Variants in DNAJB9 observed in about 807,000 individuals in gnomAD.
The protein encoded by DNAJB9 is DnaJ heat shock protein family (Hsp40) member B9.
A neutral mutation model predicts 19.2 loss-of-function variants in DNAJB9; 12 were observed. The observed-to-expected ratio is 0.62, with a 90% CI of 0.40 to 1.01. The LOEUF (loss-of-function observed/expected upper bound fraction) is 1.01. DNAJB9 is among the 50% of genes least tolerant of loss of function. The pLI, the probability that DNAJB9 is intolerant of heterozygous loss-of-function variation, is 0.00. For synonymous variants in DNAJB9, 83 were observed against 84.0 expected, an observed-to-expected ratio of 0.99 and a Z score of 0.07; for missense variants, 272 against 261.1, an observed-to-expected ratio of 1.04 and a Z score of -0.29.
At chr7:108,571,217 A>C (rs907492285) in intron 1 of DNAJB9, among the ~76,000 whole-genome samples, 13 of 152,084 alleles carry the variant, frequency 8.5e-5, no homozygotes, top group African/African-American at 2.9e-4. Context: ...GCTGAAATGA[A>C]AGCTGAATTT....
At chr7:108,572,544 T>A (rs1790634898) in intron 2 of DNAJB9, among the ~76,000 whole-genome samples, 1 of 152,180 alleles carries the variant, frequency 6.6e-6, no homozygotes, top group Non-Finnish European at 1.5e-5. Flanking sequence ...TTATAGTTGA[T>A]GGTTTAATTT....
intron 2 of DNAJB9, among the ~76,000 whole-genome samples, chr7:108,572,343 C>T (rs184243933): frequency 6.6e-6 from 1 of 152,244 alleles, no homozygotes; most frequent in East Asian, 1.9e-4. Flanking sequence ...TTCACTTGAT[C>T]TGCTTTTCAA....
In DNAJB9 at chr7:108,573,391, CTT is replaced by C; in HGVS notation, c.*39_*40del. ...TCTCACTAAATCCAACTGGTTGACT[CTT>C]CCTCATTATCTTTGATGCTAAACAA... On this transcript the variant is annotated 3_prime_UTR_variant, in exon 3 of 3. Transcript: ENST00000249356. The C allele has an allele frequency of 7.1e-7, 1 of 1,413,076 alleles. No homozygotes were observed. The highest frequency in any genetic ancestry group is 9.4e-7 in the Non-Finnish European group (1 of 1,067,122). 87.5% of individuals were successfully genotyped at this position (1,413,076 alleles called of 1,614,324 possible). A position where few individuals can be genotyped will look rare whatever the true frequency, so the allele number is the denominator to read the frequency against.
At position 108,574,693 on chromosome 7, in the gene DNAJB9, A is replaced by G. The variant is rs953897218; in HGVS notation, c.*1340A>G. On this transcript the variant is annotated 3_prime_UTR_variant, in exon 3 of 3. Transcript: ENST00000249356. Reference sequence around the variant, plus strand: ...GTTCTTTCCTCTTTAGGCGTGGTTGAGAAAAAGCAGAAACTTTACATAAAG... The same window carrying G: ...GTTCTTTCCTCTTTAGGCGTGGTTGGGAAAAAGCAGAAACTTTACATAAAG... The G allele has an allele frequency of 1.3e-5, 2 of 152,332 alleles. No homozygotes were observed. The highest frequency in any genetic ancestry group is 1.3e-4 in the Admixed American group (2 of 15,298). The allele number at this position is 152,332 out of a possible 1,614,324, so 9.4% of individuals were successfully genotyped here.
At chr7:108,572,002 C>G in intron 2 of DNAJB9, 59 bp downstream of exon 2, 2 of 1,530,356 alleles carry the variant, frequency 1.3e-6, no homozygotes, top group South Asian at 1.1e-5. Context: ...AGAATGATAG[C>G]TAAGAAGTGT....
Position 108,573,494 on chromosome 7 carries a change from G to A in DNAJB9, c.*141G>A. 2.5e-6 allele frequency: 1 copy of A among 396,872 alleles called. No homozygotes were observed. The highest frequency in any genetic ancestry group is 4.1e-6 in the Non-Finnish European group (1 of 243,206). 24.6% of individuals were successfully genotyped at this position (396,872 alleles called of 1,614,324 possible). A position where few individuals can be genotyped will look rare whatever the true frequency, so the allele number is the denominator to read the frequency against. ...ATATAGCTATTAAATATATTTAAGG[G>A]TTTTTTTTTTTTGACAAATTCAACA... On this transcript the variant is annotated 3_prime_UTR_variant, in exon 3 of 3. Transcript: ENST00000249356.
In DNAJB9 at chr7:108,573,811, T is replaced by C. The variant is rs914230809; in HGVS notation, c.*458T>C. The C allele has an allele frequency of 6.5e-6, 1 of 153,340 alleles. No homozygotes were observed. The highest frequency in any genetic ancestry group is 1.5e-5 in the Non-Finnish European group (1 of 68,554). The allele number at this position is 153,340 out of a possible 1,614,324, so 9.5% of individuals were successfully genotyped here. On this transcript the variant is annotated 3_prime_UTR_variant, in exon 3 of 3. Transcript: ENST00000249356. ...GTGTACATGAAACTGTATAATTGAG[T>C]CATTCAGTAAAGGAGAACAGTATCT...
chr7:108,574,373 G>A lies in DNAJB9; in HGVS notation c.*1020G>A, dbSNP rs1349107108. 1 of 152,606 alleles carries A rather than the reference G, an allele frequency of 6.6e-6. No individual in the cohort carries two copies. Among genetic ancestry groups the A allele is most frequent in the Non-Finnish European group, 1.5e-5 (1 of 68,026 alleles). 9.5% of individuals were successfully genotyped at this position (152,606 alleles called of 1,614,324 possible). ...ACAAGTGTCTCATACAACATTGTAT[G>A]TGAGAGAAATATAAATATTTACAAC... is the stretch of plus-strand genomic sequence containing the variant. On this transcript the variant is annotated 3_prime_UTR_variant, in exon 3 of 3. Transcript: ENST00000249356.
In DNAJB9 at chr7:108,573,495, T is replaced by G. The variant is rs890863270; in HGVS notation, c.*142T>G. ...TATAGCTATTAAATATATTTAAGGG[T>G]TTTTTTTTTTTGACAAATTCAACAT... On this transcript the variant is annotated 3_prime_UTR_variant, in exon 3 of 3. Transcript: ENST00000249356. 7.6e-5 allele frequency: 20 copies of G among 263,952 alleles called. No individual in the cohort carries two copies. The highest frequency in any genetic ancestry group is 1.4e-4 in the South Asian group (1 of 7,030). 16.4% of individuals were successfully genotyped at this position (263,952 alleles called of 1,614,324 possible).
At chr7:108,570,882 A>C (rs1456209469) in intron 1 of DNAJB9, among the ~76,000 whole-genome samples, 1 of 152,232 alleles carries the variant, frequency 6.6e-6, no homozygotes, top group East Asian at 1.9e-4. Context: ...CTTCGTTTTG[A>C]ATCTCAAGTC....
Position 108,574,305 on chromosome 7 carries a change from A to G in DNAJB9, c.*952A>G, listed in dbSNP as rs896507951. 7 of 152,758 alleles carry G rather than the reference A, an allele frequency of 4.6e-5. No individual in the cohort carries two copies. The highest frequency in any genetic ancestry group is 1.7e-4 in the African/African-American group (7 of 41,578). The allele number at this position is 152,758 out of a possible 1,614,324, so 9.5% of individuals were successfully genotyped here. On this transcript the variant is annotated 3_prime_UTR_variant, in exon 3 of 3. Coordinates refer to ENST00000249356, the MANE Select transcript of DNAJB9 (RefSeq NM_012328.3). ...TTTCTTTAGTTCTGCACTTTTCCAC[A>G]TTATACTCCATATGAGTATTAATCC...
At position 108,572,921 on chromosome 7, in the gene DNAJB9, T is replaced by A. The variant is rs772672981; in HGVS notation, c.240T>A (p.Ala80=). 1 of 1,608,466 alleles carries A rather than the reference T, an allele frequency of 6.2e-7. No individual in the cohort carries two copies. The highest frequency in any genetic ancestry group is 1.7e-4 in the Middle Eastern group (1 of 6,006). ...CAGCATATGAAACACTCTCAGATGC[T>A]AATAGACGAAAAGAGTATGATACAC... The part of the protein sequence containing the change: ...IAEAYETLSD[A]NRRKEYDTLG... Residue 80 remains alanine (A), a synonymous_variant, in exon 3 of 3, where the codon GCT becomes GCA. Transcript: ENST00000249356.
rs1790627850 is a variant in DNAJB9 at position 108,571,932 on chromosome 7, A to G, written c.206A>G (p.Glu69Gly). 1 of 1,614,074 alleles carries G rather than the reference A, an allele frequency of 6.2e-7. No homozygotes were observed. Among genetic ancestry groups the G allele is most frequent in the Non-Finnish European group, 8.5e-7 (1 of 1,179,950 alleles). ...CCGGATGCTGAAGCAAAATTCAGAG[A>G]GATTGCAGAAGGTAAATAAATGACA... ...KSPDAEAKFR[E>G]IAEAYETLSD... is the part of the protein sequence containing the mutation. The change falls in exon 2 of 3, where the codon GAG (glutamate) becomes GGG (glycine). Residue 69 changes from glutamate to glycine, a missense_variant. Glu to Gly is a moderately conservative substitution (Grantham distance 98, BLOSUM62 -2). Transcript: ENST00000249356.
At chr7:108,570,500 C>T (rs1026542089) in intron 1 of DNAJB9, among the ~76,000 whole-genome samples, 1 of 147,994 alleles carries the variant, frequency 6.8e-6, no homozygotes, top group Non-Finnish European at 1.5e-5. Context: ...CAAAACTAGT[C>T]TGCTAAAAAA....
rs1790656227 is a variant in DNAJB9, at chr7:108,573,678, T to G, written c.*325T>G. ...ATATTGAGTTTACCTGATTAAACTT[T>G]AAAAGTTAATTGTAGATTTAAATTG... On this transcript the variant is annotated 3_prime_UTR_variant, in exon 3 of 3. Transcript: ENST00000249356. 5.3e-6 allele frequency: 1 copy of G among 189,730 alleles called. No homozygotes were observed. The highest frequency in any genetic ancestry group is 2.3e-5 in the African/African-American group (1 of 42,874). The allele number at this position is 189,730 out of a possible 1,614,324, so 11.8% of individuals were successfully genotyped here. A position where few individuals can be genotyped will look rare whatever the true frequency, so the allele number is the denominator to read the frequency against.
Position 108,573,139 on chromosome 7 carries a change from G to A in DNAJB9, c.458G>A (p.Arg153Lys), listed in dbSNP as rs774452762. The change falls in exon 3 of 3, where the codon AGG (arginine) becomes AAG (lysine). Residue 153 changes from arginine to lysine, a missense_variant. By Grantham distance (26) the Arg-to-Lys change is conservative. Coordinates refer to ENST00000249356, the MANE Select transcript of DNAJB9 (RefSeq NM_012328.3). ...TRQDGGSSRQ[R>K]HHFQEFSFGG... is the part of the protein sequence containing the mutation. Reference sequence around the variant, plus strand: ...CAGGATGGTGGTTCCAGTAGACAAAGGCATCATTTCCAAGAATTTTCTTTT... The same window carrying A: ...CAGGATGGTGGTTCCAGTAGACAAAAGCATCATTTCCAAGAATTTTCTTTT... 2.5e-6 allele frequency: 4 copies of A among 1,614,024 alleles called. No individual in the cohort carries two copies. The highest frequency in any genetic ancestry group is 4.5e-5 in the East Asian group (2 of 44,868).
In DNAJB9 at chr7:108,573,459, A is replaced by T; in HGVS notation, c.*106A>T. The T allele has an allele frequency of 1.2e-6, 1 of 816,570 alleles. No individual in the cohort carries two copies. The highest frequency in any genetic ancestry group is 1.8e-5 in the African/African-American group (1 of 56,678). The allele number at this position is 816,570 out of a possible 1,614,324, so 50.6% of individuals were successfully genotyped here. A position where few individuals can be genotyped will look rare whatever the true frequency, so the allele number is the denominator to read the frequency against. On this transcript the variant is annotated 3_prime_UTR_variant, in exon 3 of 3. Coordinates refer to ENST00000249356, the MANE Select transcript of DNAJB9 (RefSeq NM_012328.3). ...TTTGACAAGTGCATGATTTCACTTT[A>T]AACAATTTGATATAGCTATTAAATA...
Position 108,572,945 on chromosome 7 carries a change from A to G in DNAJB9, c.264A>G (p.Thr88=). Residue 88 remains threonine, a synonymous_variant, in exon 3 of 3, where the codon ACA becomes ACG. Coordinates refer to ENST00000249356, the MANE Select transcript of DNAJB9 (RefSeq NM_012328.3). ...SDANRRKEYD[T]LGHSAFTSGK... Reference sequence around the variant, plus strand: ...CTAATAGACGAAAAGAGTATGATACACTTGGACACAGTGCTTTTACTAGTG... The same window carrying G: ...CTAATAGACGAAAAGAGTATGATACGCTTGGACACAGTGCTTTTACTAGTG... 1 of 1,614,000 alleles carries G rather than the reference A, an allele frequency of 6.2e-7. No homozygotes were observed. Among genetic ancestry groups the G allele is most frequent in the Non-Finnish European group, 8.5e-7 (1 of 1,179,898 alleles).
rs200296116 is a variant in DNAJB9, at chr7:108,573,348, C to T, written c.667C>T (p.Gln223Ter). 8 of 1,547,758 alleles carry T rather than the reference C, an allele frequency of 5.2e-6. No homozygotes were observed. The Admixed American group carries it at 6.1e-5, about 12-fold the overall frequency. ...TACTACATACACTGACTGTTCAGGA[C>T]AGTAGTTCTTATTCTATTCTCACTA... ...MVTTYTDCSG[Q>*] is the part of the protein sequence containing the mutation. The change falls in exon 3 of 3, where the codon CAG becomes TAG. Residue 223 changes from glutamine to a stop codon, truncating the protein, a stop_gained. Coordinates refer to ENST00000249356, the MANE Select transcript of DNAJB9 (RefSeq NM_012328.3). LOFTEE classifies it high-confidence loss of function.
Sources: allele counts gnomAD v4.1 joint callset (sites outside exome capture counted in the v4.1 genomes callset), GRCh38; gene constraint gnomAD v4.1.1; transcripts MANE v1.5; gene names NCBI Gene and HGNC (gene_info 2026-07-23, HGNC 2026-07-21).